SOHLH2: variants seen among roughly 807,000 people sequenced by gnomAD.
SOHLH2 encodes spermatogenesis- and oogenesis-specific basic helix-loop-helix-containing protein 2.
In SOHLH2, 22 loss-of-function variants were observed where a neutral mutation model predicts 50.4. That is an observed-to-expected ratio of 0.44 (90% confidence interval 0.31 to 0.62). The LOEUF is 0.62. SOHLH2 is among the 20% of genes least tolerant of loss of function. The pLI is 0.08. For synonymous variants in SOHLH2, 185 were observed against 187.3 expected (o/e 0.99, Z 0.10); for missense variants, 412 against 504.4 (o/e 0.82, Z 1.76).
chr13:36,170,883 C>T (rs1886945514), intron 9 of SOHLH2, 96 bp from the exon 10 acceptor site: 1 of 1,522,654 alleles, frequency 6.6e-7, no homozygotes, highest in South Asian at 1.3e-5. Flanking sequence ...ATTTCATTTC[C>T]TCACATTACA....
chr13:36,192,454 C>T (rs1438921484), intron 4 of SOHLH2, among the ~76,000 whole-genome samples: 1 of 152,058 alleles, frequency 6.6e-6, no homozygotes, highest in East Asian at 1.9e-4. Flanking sequence ...TAGCCATTTC[C>T]AGGAAGAACC....
intron 9 of SOHLH2, among the ~76,000 whole-genome samples, chr13:36,171,761 G>A (rs924403509): frequency 5.9e-5 from 9 of 152,212 alleles, no homozygotes; most frequent in East Asian, 1.9e-4. Context: ...TAAATGTAGC[G>A]ACTGGAAAAT....
intron 6 of SOHLH2, among the ~76,000 whole-genome samples, chr13:36,177,923 T>A (rs1364076304): frequency 6.6e-6 from 1 of 152,010 alleles, no homozygotes; most frequent in Non-Finnish European, 1.5e-5. Context: ...ATAAATCCAA[T>A]TTATTTACTC....
In SOHLH2 at chr13:36,173,718, T is replaced by A; in HGVS notation, c.974A>T (p.Glu325Val). 6.2e-7 allele frequency: 1 copy of A among 1,613,462 alleles called. No individual in the cohort carries two copies. Among genetic ancestry groups the A allele is most frequent in the Middle Eastern group, 1.8e-4 (1 of 5,516 alleles). ...TCTCACAGCTTCATCCAAGGAGCTC[T>A]CTGCATCAGGAGTGGAGCACCCATT... ...CWNGCSTPDA[E>V]SSLDEAVRVP... The change falls in exon 9 of 11, where the codon GAG (glutamate) becomes GTG (valine). Residue 325 changes from glutamate to valine, a missense_variant. By Grantham distance (121) the Glu-to-Val change is moderately radical. Coordinates refer to ENST00000379881, the MANE Select transcript of SOHLH2 (RefSeq NM_017826.3).
chr13:36,201,989 A>T lies in SOHLH2; in HGVS notation c.153T>A (p.Ser51Arg). Reference sequence around the variant, plus strand: ...AAAGCGCTGCTGCCTCCTTCGTGTCACTGATGGTGATGGTGACTTCTGCTA... The same window carrying T: ...AAAGCGCTGCTGCCTCCTTCGTGTCTCTGATGGTGATGGTGACTTCTGCTA... ...ANIAEVTITI[S>R]DTKEAAALLD... Residue 51 changes from serine (S) to arginine (R), a missense_variant, in exon 2 of 11, where the codon AGT becomes AGA. By Grantham distance (110) the Ser-to-Arg change is moderately radical. Transcript: ENST00000379881. 1 of 1,614,210 alleles carries T rather than the reference A, an allele frequency of 6.2e-7. No homozygotes were observed. The highest frequency in any genetic ancestry group is 1.1e-5 in the South Asian group (1 of 91,082).
chr13:36,195,712 G>C (rs931013843), intron 2 of SOHLH2, among the ~76,000 whole-genome samples: 6 of 152,172 alleles, frequency 3.9e-5, no homozygotes, highest in African/African-American at 1.4e-4. Flanking sequence ...CTTTGGTAAA[G>C]TTAAATATTT....
chr13:36,205,146 C>T (rs966680583), intron 1 of SOHLH2, among the ~76,000 whole-genome samples: 2 of 152,144 alleles, frequency 1.3e-5, no homozygotes, highest in African/African-American at 4.8e-5. Flanking sequence ...TTATAGTACT[C>T]TCTGTTCAGT....
intron 6 of SOHLH2, among the ~76,000 whole-genome samples, chr13:36,175,832 T>G (rs1887084054): frequency 6.6e-6 from 1 of 152,120 alleles, no homozygotes; most frequent in African/African-American, 2.4e-5. Context: ...TCGGGAACTA[T>G]TCTGGGAAGG....
chr13:36,168,818 T>C lies in SOHLH2; in HGVS notation c.*216A>G, dbSNP rs1177895414. On this transcript the variant is annotated 3_prime_UTR_variant, in exon 11 of 11. Transcript: ENST00000379881. ...TCTGGCTGGCGGGGATCCAAGTGTG[T>C]ATGAAGATGAGTGACAGTGTGTGGC... 3.1e-6 allele frequency: 2 copies of C among 652,042 alleles called. No individual in the cohort carries two copies. The highest frequency in any genetic ancestry group is 4.7e-6 in the Non-Finnish European group (2 of 425,300). 40.4% of individuals were successfully genotyped at this position (652,042 alleles called of 1,614,324 possible). A position where few individuals can be genotyped will look rare whatever the true frequency, so the allele number is the denominator to read the frequency against.
intron 6 of SOHLH2, among the ~76,000 whole-genome samples, chr13:36,187,857 C>T (rs1338584754): frequency 6.6e-6 from 1 of 152,154 alleles, no homozygotes; most frequent in Non-Finnish European, 1.5e-5. Context: ...ATTATTTGAC[C>T]TTCCTCCCAC....
chr13:36,212,617 T>A (rs891319372), intron 1 of SOHLH2, among the ~76,000 whole-genome samples: 1 of 152,238 alleles, frequency 6.6e-6, no homozygotes. Context: ...AGTGTTAGGC[T>A]TCGTTTGATG....
intron 1 of SOHLH2, among the ~76,000 whole-genome samples, chr13:36,204,974 A>C (rs1210641231): frequency 6.6e-6 from 1 of 152,202 alleles, no homozygotes; most frequent in Non-Finnish European, 1.5e-5. Context: ...GTGTCCTAGC[A>C]TGTATTCCCA....
intron 1 of SOHLH2, among the ~76,000 whole-genome samples, chr13:36,205,045 T>G (rs1174946048): frequency 6.6e-6 from 1 of 152,314 alleles, no homozygotes; most frequent in East Asian, 1.9e-4. Context: ...AGGGGATCTC[T>G]TCTTACTCAC....
rs1886885148 is a variant in SOHLH2 at position 36,168,735 on chromosome 13, G to C, written c.*299C>G. On this transcript the variant is annotated 3_prime_UTR_variant, in exon 11 of 11. Transcript: ENST00000379881. ...ATAGCATGCTTTTTTCATAAATTGT[G>C]GAATATTTTTTGAGAAAAGAGAGTG... is the stretch of plus-strand genomic sequence containing the variant. 1 of 405,452 alleles carries C rather than the reference G, an allele frequency of 2.5e-6. No homozygotes were observed. Among genetic ancestry groups the C allele is most frequent in the Non-Finnish European group, 4.4e-6 (1 of 229,302 alleles). 25.1% of individuals were successfully genotyped at this position (405,452 alleles called of 1,614,324 possible). A position where few individuals can be genotyped will look rare whatever the true frequency, so the allele number is the denominator to read the frequency against.
At chr13:36,206,474 TGTTTG>T (rs1868769963) in intron 1 of SOHLH2, among the ~76,000 whole-genome samples, 1 of 152,088 alleles carries the variant, frequency 6.6e-6, no homozygotes, top group African/African-American at 2.4e-5. Context: ...GGCAATAGTA[TGTTTG>T]GTTTTTTATT....
At chr13:36,201,555 C>T (rs931948467) in intron 2 of SOHLH2, among the ~76,000 whole-genome samples, 11 of 151,920 alleles carry the variant, frequency 7.2e-5, no homozygotes, top group African/African-American at 2.7e-4. Flanking sequence ...TCATTGCAGC[C>T]TTAAACTCCT....
chr13:36,190,730 T>A (rs1407219769), intron 5 of SOHLH2, among the ~76,000 whole-genome samples: 2 of 152,140 alleles, frequency 1.3e-5, no homozygotes, highest in Non-Finnish European at 2.9e-5. Flanking sequence ...TCATAAAAAC[T>A]TTTTTAAAAA....
At chr13:36,173,094 CATA>C (rs889069904) in intron 9 of SOHLH2, among the ~76,000 whole-genome samples, 1 of 152,180 alleles carries the variant, frequency 6.6e-6, no homozygotes, top group Admixed American at 6.5e-5. Context: ...TGAATATTCA[CATA>C]ATGAGATTTC....
At chr13:36,203,954 GTTTT>G (rs3080977) in intron 1 of SOHLH2, among the ~76,000 whole-genome samples, 124 of 111,114 alleles carry the variant, frequency 1.1e-3, no homozygotes, top group African/African-American at 2.0e-3. Flanking sequence ...CTTTTTTTTT[GTTTT>G]TTTTTTTTTT....
Sources: allele counts gnomAD v4.1 joint callset (sites outside exome capture counted in the v4.1 genomes callset), GRCh38; gene constraint gnomAD v4.1.1; transcripts MANE v1.5; gene names NCBI Gene and HGNC (gene_info 2026-07-23, HGNC 2026-07-21).